The following EIF3J variants were observed in gnomAD, a reference collection of about 807,000 sequenced individuals.
EIF3J encodes the protein eukaryotic translation initiation factor 3, subunit 1 (alpha, 35kD).
A neutral mutation model predicts 39.0 loss-of-function variants in EIF3J; 15 were observed. The observed-to-expected ratio is 0.38, with a 90% CI of 0.26 to 0.59. EIF3J has a LOEUF of 0.59. Among genes scored for constraint, EIF3J ranks in the 20% least tolerant of loss-of-function variants. The probability of loss-of-function intolerance (pLI) is 0.60; values close to 1 mark genes in which losing one functional copy is unlikely to be tolerated. For missense variants in EIF3J, 226 were observed against 308.6 expected, an observed-to-expected ratio of 0.73 and a Z score of 2.00; for synonymous variants, 98 against 112.9, an observed-to-expected ratio of 0.87 and a Z score of 0.84.
In EIF3J at chr15:44,540,247, ATATATATATATATATATATATT is replaced by A. The variant is rs1307803064; in HGVS notation, c.147+2822_147+2843del. On this transcript the variant is annotated intron_variant, in intron 2 of 7. Coordinates refer to ENST00000261868, the MANE Select transcript of EIF3J (RefSeq NM_003758.4). Reference sequence around the variant, plus strand: ...CCACCGCGCCTGGCTATATATATATATATATATATATATATATATATTTTTTTTTTTTTTTTGTAGATACAGG... The same window carrying A: ...CCACCGCGCCTGGCTATATATATATATTTTTTTTTTTTTTGTAGATACAGG... Among the ~76,000 whole-genome samples, 8 of 43,616 alleles carry A rather than the reference ATATATATATATATATATATATT, an allele frequency of 1.8e-4. 1 individual carries two copies. The highest frequency in any genetic ancestry group is 1.7e-3 in the Admixed American group (6 of 3,438). 28.6% of individuals were successfully genotyped at this position (43,616 alleles called of 152,430 possible).
chr15:44,543,994 A>G (rs2082032347), intron 2 of EIF3J, among the ~76,000 whole-genome samples: 2 of 151,802 alleles, frequency 1.3e-5, no homozygotes, highest in Admixed American at 1.3e-4. Flanking sequence ...CCTTGGAGGT[A>G]TTGAGATGGA....
At chr15:44,545,900 G>A (rs1567116642) in intron 2 of EIF3J, among the ~76,000 whole-genome samples, 1 of 152,178 alleles carries the variant, frequency 6.6e-6, no homozygotes. Flanking sequence ...CTGGGCCTGG[G>A]TTTCCTTTTC....
At chr15:44,539,839 C>T (rs896560778) in intron 2 of EIF3J, among the ~76,000 whole-genome samples, 1 of 151,712 alleles carries the variant, frequency 6.6e-6, no homozygotes, top group Admixed American at 6.6e-5. Context: ...ACGATCTCTG[C>T]AACCTCCGCC....
chr15:44,554,284 T>C (rs2082125446), intron 4 of EIF3J, among the ~76,000 whole-genome samples: 1 of 147,114 alleles, frequency 6.8e-6, no homozygotes, highest in Non-Finnish European at 1.5e-5. Context: ...GGCTGAGGTA[T>C]GAGAATCACT....
intron 2 of EIF3J, among the ~76,000 whole-genome samples, chr15:44,546,791 G>T (rs948480568): frequency 1.4e-5 from 2 of 147,818 alleles, no homozygotes; most frequent in Admixed American, 6.7e-5. Context: ...GATTGAGTTA[G>T]GCATAGAAAA....
In EIF3J at chr15:44,561,001, C is replaced by T; in HGVS notation, c.646-17C>T. 3.1e-6 allele frequency: 5 copies of T among 1,611,890 alleles called. No homozygotes were observed. Among genetic ancestry groups the T allele is most frequent in the Non-Finnish European group, 4.2e-6 (5 of 1,179,322 alleles). ...TAGCACACTAAGGTTCATGAATTAA[C>T]TCTCTTTCATCTTTAGCAAAGCAAA... On this transcript the variant is annotated splice_polypyrimidine_tract_variant and intron_variant, in intron 7 of 7. Coordinates refer to ENST00000261868, the MANE Select transcript of EIF3J (RefSeq NM_003758.4).
At chr15:44,540,249 ATATATATATATATATATATT>A (rs1157519238) in intron 2 of EIF3J, among the ~76,000 whole-genome samples, 12 of 45,432 alleles carry the variant, frequency 2.6e-4, no homozygotes, top group Non-Finnish European at 4.7e-4. Context: ...ATATATATAT[ATATATATATATATATATATT>A]TTTTTTTTTT....
chr15:44,554,375 TAA>T (rs59415615), intron 4 of EIF3J, among the ~76,000 whole-genome samples, 176 bp from the exon 5 acceptor site: 12 of 61,894 alleles, frequency 1.9e-4, no homozygotes, highest in South Asian at 4.8e-4. Flanking sequence ...AGGCTCTGTC[TAA>T]AAAAAAAAAA....
Position 44,559,398 on chromosome 15 carries a change from G to A in EIF3J, c.572-851G>A, listed in dbSNP as rs189097100. ...CTGTACCCCAGCCTGGTGACAAAGC[G>A]AGACTCTGTCTCAAAAAAAAAAATA... On this transcript the variant is annotated intron_variant, in intron 6 of 7. Transcript: ENST00000261868. 4.4e-3 allele frequency among the ~76,000 whole-genome samples: 645 copies of A among 145,886 alleles called. 5 individuals carry two copies. Among genetic ancestry groups the A allele is most frequent in the African/African-American group, 0.016 (623 of 38,840 alleles).
chr15:44,537,277 G>T (rs772992438), intron 1 of EIF3J, 40 bp downstream of exon 1: 2 of 1,567,188 alleles, frequency 1.3e-6, no homozygotes, highest in African/African-American at 1.4e-5. Flanking sequence ...GGCCGGCGCC[G>T]GCCCCACGCA....
At chr15:44,557,049 C>A (rs535022978) in intron 5 of EIF3J, among the ~76,000 whole-genome samples, 12 of 152,210 alleles carry the variant, frequency 7.9e-5, no homozygotes, top group African/African-American at 2.9e-4. Context: ...ACTAAAATGA[C>A]AAATTTGTGA....
At chr15:44,555,699 A>G (rs1416260674) in intron 5 of EIF3J, among the ~76,000 whole-genome samples, 1 of 152,254 alleles carries the variant, frequency 6.6e-6, no homozygotes, top group Non-Finnish European at 1.5e-5. Context: ...GACACCTGTT[A>G]TAGACTAAAA....
Position 44,554,595 on chromosome 15 carries a change from C to G in EIF3J, c.337C>G (p.Gln113Glu). The G allele has an allele frequency of 1.9e-6, 3 of 1,612,450 alleles. No homozygotes were observed. Among genetic ancestry groups the G allele is most frequent in the Non-Finnish European group, 2.5e-6 (3 of 1,179,462 alleles). The change falls in exon 5 of 8, where the codon CAA (glutamine) becomes GAA (glutamate). Residue 113 changes from glutamine to glutamate, a missense_variant. By Grantham distance (29) the Gln-to-Glu change is conservative (BLOSUM62 2). This residue lies in a region of EIF3J where 143 missense variants were observed against 156.0 expected (regional missense o/e 0.92). Transcript: ENST00000261868. ...ACCTAAAGTGCTAACACCAGAAGAA[C>G]AATTAGCAGATAAACTGCGGCTAAA... ...EEPKVLTPEE[Q>E]LADKLRLKKL...
chr15:44,547,568 G>T (rs886512050), intron 2 of EIF3J, among the ~76,000 whole-genome samples: 15 of 148,990 alleles, frequency 1.0e-4, no homozygotes, highest in Admixed American at 6.1e-4. Context: ...TCCTGCCTCA[G>T]CCCCCAAGTA....
At chr15:44,551,613 C>A in intron 4 of EIF3J, 91 bp downstream of exon 4, 2 of 987,004 alleles carry the variant, frequency 2.0e-6, no homozygotes, top group Non-Finnish European at 3.0e-6. Flanking sequence ...ATTTGAAGGG[C>A]TCTGTGAAGA....
At chr15:44,540,809 TCC>T (rs1261393712) in intron 2 of EIF3J, among the ~76,000 whole-genome samples, 1 of 152,250 alleles carries the variant, frequency 6.6e-6, no homozygotes, top group Non-Finnish European at 1.5e-5. Flanking sequence ...AGGCTTAGTT[TCC>T]GTGAGGTCTT....
intron 4 of EIF3J, among the ~76,000 whole-genome samples, chr15:44,553,029 T>C (rs560880890): frequency 2.7e-5 from 4 of 150,050 alleles, no homozygotes; most frequent in Non-Finnish European, 5.9e-5. Flanking sequence ...CTACAAAAAA[T>C]AGAAAAATAA....
chr15:44,540,310 C>T (rs564472038), intron 2 of EIF3J, among the ~76,000 whole-genome samples: 1 of 130,308 alleles, frequency 7.7e-6, no homozygotes, highest in South Asian at 2.5e-4. Context: ...GCCATGTTAC[C>T]TAGGCTGGTC....
intron 6 of EIF3J, among the ~76,000 whole-genome samples, chr15:44,559,971 G>C (rs562532010): frequency 2.0e-5 from 3 of 152,052 alleles, no homozygotes; most frequent in Non-Finnish European, 4.4e-5. Flanking sequence ...AGCTGGTCTC[G>C]AATTCCTGGG....
Sources: gnomAD v4.1 joint callset for allele counts (sites outside exome capture counted in the v4.1 genomes callset) on GRCh38, gnomAD v4.1.1 for gene constraint, gnomAD v4.1.1 regional missense constraint, MANE v1.5 for transcripts, NCBI Gene and HGNC (gene_info 2026-07-23, HGNC 2026-07-21) for gene names.